Variants in MAPK10 observed in about 807,000 individuals in gnomAD.
MAPK10 encodes the protein JNK3 alpha protein kinase.
In MAPK10, 25 loss-of-function variants were observed where a neutral mutation model predicts 59.3. The observed-to-expected ratio is 0.42, with a 90% CI of 0.31 to 0.59. The LOEUF (loss-of-function observed/expected upper bound fraction) is 0.59. Ranked by LOEUF, MAPK10 falls within the 20% of genes least tolerant of loss-of-function variation. The pLI, the probability that MAPK10 is intolerant of heterozygous loss-of-function variation, is 0.15. For synonymous variants in MAPK10, 190 were observed against 200.5 expected, an observed-to-expected ratio of 0.95 and a Z score of 0.44; for missense variants, 351 against 568.9, an observed-to-expected ratio of 0.62 and a Z score of 3.90.
intron 1 of MAPK10, among the ~76,000 whole-genome samples, chr4:86,504,649 T>G (rs1755589121): frequency 6.6e-6 from 1 of 152,148 alleles, no homozygotes; most frequent in African/African-American, 2.4e-5. Flanking sequence ...CATTCACACC[T>G]GTTCCTTTGC....
intron 2 of MAPK10, among the ~76,000 whole-genome samples, chr4:86,241,358 A>G (rs2092710636): frequency 6.6e-6 from 1 of 151,982 alleles, no homozygotes; most frequent in African/African-American, 2.4e-5. Context: ...TGTTTGCTGA[A>G]TTTGCATGTT....
chr4:86,350,879 T>C (rs1309184485), intron 2 of MAPK10, among the ~76,000 whole-genome samples: 4 of 152,254 alleles, frequency 2.6e-5, no homozygotes, highest in East Asian at 3.9e-4. Flanking sequence ...CAGATTTAGA[T>C]GAAAAAGGAC....
chr4:86,584,333 C>T (rs11097114), intron 1 of MAPK10, among the ~76,000 whole-genome samples: 125,339 of 152,118 alleles, frequency 0.82, 52,053 homozygotes, highest in South Asian at 0.89. Context: ...GTAAGTGACA[C>T]TCAGGTATTA....
chr4:86,145,496 A>G (rs2149192879), intron 4 of MAPK10, among the ~76,000 whole-genome samples: 1 of 152,332 alleles, frequency 6.6e-6, no homozygotes, highest in South Asian at 2.1e-4. Flanking sequence ...TCTGTTTCAC[A>G]AAGAATTACT....
At chr4:86,235,352 G>C (rs2092108801) in intron 2 of MAPK10, among the ~76,000 whole-genome samples, 1 of 152,176 alleles carries the variant, frequency 6.6e-6, no homozygotes, top group Non-Finnish European at 1.5e-5. Context: ...TAGAAGTCAA[G>C]CCTTCTCTAG....
chr4:86,456,124 C>A (rs1751204714), upstream of MAPK10, among the ~76,000 whole-genome samples: 1 of 152,098 alleles, frequency 6.6e-6, no homozygotes. Context: ...AATAGTGACA[C>A]AACCTTTCAA....
At chr4:86,022,628 C>T (rs1420461359) in intron 13 of MAPK10, among the ~76,000 whole-genome samples, 1 of 152,024 alleles carries the variant, frequency 6.6e-6, no homozygotes, top group African/African-American at 2.4e-5. Flanking sequence ...CCCCAGCCTC[C>T]CAAGTAGCTA....
chr4:86,054,968 T>C (rs1374471042), intron 11 of MAPK10, among the ~76,000 whole-genome samples: 1 of 152,154 alleles, frequency 6.6e-6, no homozygotes, highest in Admixed American at 6.6e-5. Context: ...AAAGAATTCA[T>C]AAGGACATCT....
rs561088809 is a variant in MAPK10, at chr4:86,025,050, T to C, written c.1252+4147A>G. On this transcript the variant is annotated intron_variant, in intron 13 of 13. Coordinates refer to ENST00000641462, the MANE Select transcript of MAPK10 (RefSeq NM_138982.4). ...GGGAATGGTTCCTTGCTATCCAGTG[T>C]GATGGTGGGAGAGAACCGTGCACTG... 3.3e-5 allele frequency: 5 copies of C among 152,982 alleles called. No homozygotes were observed. In the South Asian group the frequency reaches 1.0e-3, roughly 32 times the overall value. The allele number at this position is 152,982 out of a possible 1,614,324, so 9.5% of individuals were successfully genotyped here.
intron 1 of MAPK10, among the ~76,000 whole-genome samples, chr4:86,461,908 C>T (rs1183640016): frequency 6.6e-6 from 1 of 152,206 alleles, no homozygotes; most frequent in Non-Finnish European, 1.5e-5. Context: ...GATTTAGAGG[C>T]TTGGCAGTTC....
At chr4:86,251,422 G>A (rs1231421175) in intron 2 of MAPK10, among the ~76,000 whole-genome samples, 50 of 148,718 alleles carry the variant, frequency 3.4e-4, no homozygotes, top group Admixed American at 8.7e-4. Flanking sequence ...GAGAATATGC[G>A]GTGTTTGGTT....
chr4:86,487,566 A>G (rs927971637), intron 1 of MAPK10, among the ~76,000 whole-genome samples: 1 of 151,874 alleles, frequency 6.6e-6, no homozygotes, highest in African/African-American at 2.4e-5. Flanking sequence ...CGTCTCTACT[A>G]AAAATACAAA....
At chr4:86,170,681 C>T (rs192632844) in intron 3 of MAPK10, among the ~76,000 whole-genome samples, 3,427 of 152,072 alleles carry the variant, frequency 0.023, 143 homozygotes, top group African/African-American at 0.078. Flanking sequence ...AGAAAGTTAA[C>T]AAGGATACCC....
chr4:86,384,836 T>A (rs972694918), intron 1 of MAPK10, among the ~76,000 whole-genome samples: 2 of 152,198 alleles, frequency 1.3e-5, no homozygotes, highest in Non-Finnish European at 2.9e-5. Context: ...TACACAGCTA[T>A]ATTGAAAGAA....
chr4:86,262,547 G>A (rs903790499), intron 2 of MAPK10, among the ~76,000 whole-genome samples: 11 of 152,186 alleles, frequency 7.2e-5, no homozygotes, highest in East Asian at 3.9e-4. Context: ...TTTTTAACAC[G>A]CCTCATGACT....
rs1428068492 is a variant in MAPK10 at position 86,023,646 on chromosome 4, G to T, written c.1252+5551C>A. ...TCGTAGTTTTCAGAGTACAAAACTTGTACTTCTTTTGCTAACTTTATTCCT... is the reference window on the plus strand; with the variant it reads ...TCGTAGTTTTCAGAGTACAAAACTTTTACTTCTTTTGCTAACTTTATTCCT... On this transcript the variant is annotated intron_variant, in intron 13 of 13. Coordinates refer to ENST00000641462, the MANE Select transcript of MAPK10 (RefSeq NM_138982.4). Among the ~76,000 whole-genome samples the T allele has an allele frequency of 2.6e-5, 4 of 151,566 alleles. 1 individual carries two copies. The highest frequency in any genetic ancestry group is 1.3e-4 in the Admixed American group (2 of 15,218).
At chr4:86,051,588 G>A (rs1046932618) in intron 11 of MAPK10, among the ~76,000 whole-genome samples, 3 of 152,090 alleles carry the variant, frequency 2.0e-5, no homozygotes, top group East Asian at 1.9e-4. Context: ...ATCCTACAGC[G>A]TTTAAAGTTG....
At chr4:86,541,721 A>G (rs1402689546) in intron 1 of MAPK10, among the ~76,000 whole-genome samples, 1 of 152,144 alleles carries the variant, frequency 6.6e-6, no homozygotes, top group African/African-American at 2.4e-5. Flanking sequence ...ATTATTCTCT[A>G]TTCTGAGAAA....
At position 86,366,060 on chromosome 4, in the gene MAPK10, A is replaced by G. The variant is rs190058256; in HGVS notation, c.-121-11416T>C. On this transcript the variant is annotated intron_variant, in intron 1 of 13. Transcript: ENST00000361569. ...ACCTTATAAATACAAACTTTAGAAC[A>G]TTACATTTTCAGAATAAACTACTGA... 1.9e-3 allele frequency among the ~76,000 whole-genome samples: 293 copies of G among 152,346 alleles called. 1 individual carries two copies. Among genetic ancestry groups the G allele is most frequent in the African/African-American group, 6.9e-3 (286 of 41,584 alleles).
Sources: gnomAD v4.1 joint callset for allele counts (sites outside exome capture counted in the v4.1 genomes callset) on GRCh38, gnomAD v4.1.1 for gene constraint, MANE v1.5 for transcripts, NCBI Gene and HGNC (gene_info 2026-07-23, HGNC 2026-07-21) for gene names.